EDARADD: variants seen among roughly 807,000 people sequenced by gnomAD.
EDARADD encodes EDAR associated via death domain, also known as ectodysplasin-A receptor-associated adapter protein.
A neutral mutation model predicts 25.6 loss-of-function variants in EDARADD; 20 were observed. The ratio of observed to expected loss-of-function variants is 0.78; its 90% CI spans 0.55 to 1.14. The LOEUF (loss-of-function observed/expected upper bound fraction) is 1.14. Ranked by LOEUF, EDARADD falls within the 50% of genes most tolerant of loss-of-function variation. EDARADD has a pLI of 0.00. For missense variants in EDARADD, 225 were observed against 270.1 expected, an observed-to-expected ratio of 0.83 and a Z score of 1.17; for synonymous variants, 86 against 94.4, an observed-to-expected ratio of 0.91 and a Z score of 0.52.
rs1011925577 is a variant in EDARADD at position 236,417,857 on chromosome 1, G to A, written c.160+3558G>A. On this transcript the variant is annotated intron_variant, in intron 3 of 5. Coordinates refer to ENST00000334232, the MANE Select transcript of EDARADD (RefSeq NM_145861.4). ...GATTTTATCATCTTCATTTTCTCTC[G>A]TGTCCCTGCTCTTTTCTTTGATTAT... is the stretch of plus-strand genomic sequence containing the variant. Among the ~76,000 whole-genome samples the A allele has an allele frequency of 4.0e-5, 6 of 151,754 alleles. No individual in the cohort carries two copies. In the East Asian group the frequency reaches 1.2e-3, roughly 29 times the overall value.
At chr1:236,382,008 A>AT (rs987731179) in intron 3 of EDARADD, among the ~76,000 whole-genome samples, 65 of 148,104 alleles carry the variant, frequency 4.4e-4, no homozygotes, top group African/African-American at 1.3e-3. Context: ...GGTTTTGGTG[A>AT]TTTTTTTTTC....
intron 4 of EDARADD, among the ~76,000 whole-genome samples, chr1:236,460,600 T>C (rs1022799271): frequency 2.0e-5 from 3 of 152,214 alleles, no homozygotes; most frequent in Non-Finnish European, 4.4e-5. Flanking sequence ...GTGAAGTTAT[T>C]ACAGTAATAG....
At chr1:236,481,106 G>A (rs1659658549) in intron 5 of EDARADD, among the ~76,000 whole-genome samples, 1 of 152,176 alleles carries the variant, frequency 6.6e-6, no homozygotes, top group East Asian at 1.9e-4. Flanking sequence ...ACTCTCACTT[G>A]TTTTCAAATA....
At chr1:236,469,777 AT>A (rs199848470) in intron 5 of EDARADD, among the ~76,000 whole-genome samples, 5,255 of 151,140 alleles carry the variant, frequency 0.035, 219 homozygotes, top group African/African-American at 0.1. Flanking sequence ...GTTCTGGGTG[AT>A]TTTTTTTTCA....
chr1:236,356,378 C>T (rs1357994014), intron 3 of EDARADD, among the ~76,000 whole-genome samples: 1 of 152,150 alleles, frequency 6.6e-6, no homozygotes, highest in Non-Finnish European at 1.5e-5. Context: ...CCCTTTATGC[C>T]ATTTTCTGGA....
chr1:236,466,046 T>G (rs1558134092), intron 4 of EDARADD, among the ~76,000 whole-genome samples: 1 of 152,122 alleles, frequency 6.6e-6, no homozygotes, highest in Non-Finnish European at 1.5e-5. Context: ...CTACTTAGAG[T>G]CAGGTTCATG....
chr1:236,411,656 C>T (rs1657488224), intron 2 of EDARADD, among the ~76,000 whole-genome samples: 1 of 151,954 alleles, frequency 6.6e-6, no homozygotes, highest in African/African-American at 2.4e-5. Flanking sequence ...TCAAGTGATT[C>T]TCCTGCCTCA....
At chr1:236,435,039 G>A (rs1215808548) in intron 4 of EDARADD, among the ~76,000 whole-genome samples, 1 of 152,142 alleles carries the variant, frequency 6.6e-6, no homozygotes, top group Non-Finnish European at 1.5e-5. Flanking sequence ...GAGATTTGTT[G>A]TGCCAGTGAG....
chr1:236,409,478 C>A (rs1657362178), intron 2 of EDARADD, among the ~76,000 whole-genome samples: 1 of 152,030 alleles, frequency 6.6e-6, no homozygotes, highest in African/African-American at 2.4e-5. Context: ...GCGTTAGATT[C>A]TTTTCTTCTT....
At chr1:236,466,242 A>G (rs1659182476) in intron 4 of EDARADD, among the ~76,000 whole-genome samples, 1 of 152,168 alleles carries the variant, frequency 6.6e-6, no homozygotes, top group Non-Finnish European at 1.5e-5. Context: ...GCAGATGCAA[A>G]CAGGCGGGTC....
chr1:236,397,453 G>A (rs1199814950), intron 1 of EDARADD, among the ~76,000 whole-genome samples: 1 of 151,966 alleles, frequency 6.6e-6, no homozygotes, highest in African/African-American at 2.4e-5. Context: ...TTCCCAAGAT[G>A]GTGTTCTTAG....
chr1:236,445,529 A>G (rs1395261763), intron 4 of EDARADD, among the ~76,000 whole-genome samples: 3 of 152,136 alleles, frequency 2.0e-5, no homozygotes, highest in South Asian at 2.1e-4. Flanking sequence ...CACCCAGCCC[A>G]TAATCAATTC....
chr1:236,395,387 CG>C lies in EDARADD; in HGVS notation c.61+883del. 7.1e-6 allele frequency: 10 copies of C among 1,400,814 alleles called. No homozygotes were observed. Among genetic ancestry groups the C allele is most frequent in the Non-Finnish European group, 9.3e-6 (10 of 1,075,384 alleles). The allele number at this position is 1,400,814 out of a possible 1,614,324, so 86.8% of individuals were successfully genotyped here. Reference sequence around the variant, plus strand: ...GCCCCGCGCCTCTGGAGGGAGGTACCGAGGGACGCGCAGCGAAGGGGCTTTG... The same window carrying C: ...GCCCCGCGCCTCTGGAGGGAGGTACCAGGGACGCGCAGCGAAGGGGCTTTG... On this transcript the variant is annotated intron_variant, in intron 1 of 5. Coordinates refer to ENST00000334232, the MANE Select transcript of EDARADD (RefSeq NM_145861.4). This position sits in a 1 kb window ranked among gnomAD's most constrained non-coding sequence, Gnocchi z 6.9.
At chr1:236,428,579 G>GGTC (rs539954162) in intron 4 of EDARADD, among the ~76,000 whole-genome samples, 65,180 of 147,316 alleles carry the variant, frequency 0.44, 16,877 homozygotes, top group Non-Finnish European at 0.58. Flanking sequence ...TCCCAGACTG[G>GGTC]GCTGCCGGGC....
In EDARADD at chr1:236,367,252, C is replaced by T. The variant is rs192479555; in HGVS notation, c.-6+16413C>T. ...TTATTTTATTTTATTTTATTTTAGA[C>T]GGAGTCTCGCTCTGTCACCCAGGCT... On this transcript the variant is annotated intron_variant, in intron 3 of 7. Coordinates refer to the EDARADD transcript ENST00000439430. Among the ~76,000 whole-genome samples the T allele has an allele frequency of 9.2e-3, 974 of 105,360 alleles. 10 individuals are homozygous for T. Among genetic ancestry groups the T allele is most frequent in the African/African-American group, 0.034 (887 of 25,884 alleles). The allele number at this position is 105,360 out of a possible 152,430, so 69.1% of individuals were successfully genotyped here. A position where few individuals can be genotyped will look rare whatever the true frequency, so the allele number is the denominator to read the frequency against.
intron 3 of EDARADD, among the ~76,000 whole-genome samples, chr1:236,377,720 T>C (rs1572115687): frequency 6.6e-6 from 1 of 151,536 alleles, no homozygotes; most frequent in Non-Finnish European, 1.5e-5. Flanking sequence ...TAGCTGGGCA[T>C]GGTGGCGCAT....
chr1:236,374,347 T>C (rs972412519), intron 3 of EDARADD, among the ~76,000 whole-genome samples: 2 of 146,356 alleles, frequency 1.4e-5, no homozygotes, highest in African/African-American at 5.1e-5. Flanking sequence ...CAGGCTGGAG[T>C]GCAGTGACAT....
intron 5 of EDARADD, among the ~76,000 whole-genome samples, chr1:236,468,724 G>A (rs1659284245): frequency 6.6e-6 from 1 of 152,216 alleles, no homozygotes; most frequent in Admixed American, 6.5e-5. Context: ...GTGCACTGCA[G>A]GGAAAGCCGT....
chr1:236,442,741 T>C (rs1658433848), intron 4 of EDARADD, among the ~76,000 whole-genome samples: 2 of 152,228 alleles, frequency 1.3e-5, no homozygotes, highest in Non-Finnish European at 2.9e-5. Flanking sequence ...AAGATTCCTT[T>C]CAACACATTA....
Sources: allele counts gnomAD v4.1 joint callset (sites outside exome capture counted in the v4.1 genomes callset), GRCh38; gene constraint gnomAD v4.1.1; non-coding constraint Gnocchi (gnomAD v3.1); transcripts MANE v1.5; gene names NCBI Gene and HGNC (gene_info 2026-07-23, HGNC 2026-07-21).